MGAT4D: variants seen among roughly 807,000 people sequenced by gnomAD.
The protein encoded by MGAT4D is alpha-1,3-mannosyl-glycoprotein 4-beta-N-acetylglucosaminyltransferase-like protein MGAT4D.
A neutral mutation model predicts 15.9 loss-of-function variants in MGAT4D; 34 were observed. The observed-to-expected ratio is 2.14, with a 90% confidence interval of 1.62 to 2.84. The LOEUF (loss-of-function observed/expected upper bound fraction) is 2.84, where lower values mean the gene tolerates loss of function less well. MGAT4D is among the 30% of genes most tolerant of loss of function. The probability of loss-of-function intolerance (pLI) is 0.00; values close to 1 mark genes in which losing one functional copy is unlikely to be tolerated. For synonymous variants in MGAT4D, 112 were observed against 48.2 expected, an observed-to-expected ratio of 2.33 and a Z score of -5.49; for missense variants, 327 against 140.2, an observed-to-expected ratio of 2.33 and a Z score of -6.73.
At chr4:140,487,471 T>G (rs542595750) in intron 1 of MGAT4D, among the ~76,000 whole-genome samples, 2 of 152,310 alleles carry the variant, frequency 1.3e-5, no homozygotes, top group Admixed American at 1.3e-4. Flanking sequence ...AATTTAAAAT[T>G]TGCTAGTAGT....
At chr4:140,481,745 T>C (rs77741716) in intron 2 of MGAT4D, among the ~76,000 whole-genome samples, 3,812 of 152,296 alleles carry the variant, frequency 0.025, 198 homozygotes, top group East Asian at 0.23. Flanking sequence ...CTTCTGGAAA[T>C]GGCAAAGCAA....
chr4:140,449,223 G>T (rs1447253365), intron 10 of MGAT4D, among the ~76,000 whole-genome samples: 1 of 151,998 alleles, frequency 6.6e-6, no homozygotes, highest in African/African-American at 2.4e-5. Context: ...GAAATATTTT[G>T]TTTCCAAAAG....
At chr4:140,491,565 T>C (rs1047694033) in intron 1 of MGAT4D, among the ~76,000 whole-genome samples, 3 of 151,820 alleles carry the variant, frequency 2.0e-5, no homozygotes, top group African/African-American at 7.3e-5. Context: ...ACCAAAGACA[T>C]AGGAGTCGGC....
At chr4:140,497,239 C>T (rs150432286) in intron 1 of MGAT4D, among the ~76,000 whole-genome samples, 27 of 152,050 alleles carry the variant, frequency 1.8e-4, no homozygotes, top group Admixed American at 3.3e-4. Context: ...TAAGAGCAAT[C>T]GTGGAAGGCT....
chr4:140,482,065 C>A (rs753830494), intron 2 of MGAT4D, among the ~76,000 whole-genome samples: 29 of 152,028 alleles, frequency 1.9e-4, no homozygotes, highest in Non-Finnish European at 4.0e-4. Context: ...CAGAGGTGAT[C>A]CTCAGGTTTC....
intron 7 of MGAT4D, among the ~76,000 whole-genome samples, chr4:140,461,507 G>A (rs1163610647): frequency 6.6e-6 from 1 of 152,090 alleles, no homozygotes; most frequent in Non-Finnish European, 1.5e-5. Context: ...TACTCATAAA[G>A]TATTATGAGT....
rs530876666 is a variant in MGAT4D, at chr4:140,498,111, G to A, written c.94+18C>T. On this transcript the variant is annotated intron_variant, in intron 1 of 10. Transcript: ENST00000511113. ...CCCCGCGGCGGGAAAGGAGGCGGGA[G>A]GAGGGCCCGCCGCTTACTGGTTTGA... The A allele has an allele frequency of 1.6e-3, 1,113 of 696,174 alleles. 8 individuals carry two copies. In the African/African-American group the frequency reaches 0.017, roughly 11 times the overall value. 43.1% of individuals were successfully genotyped at this position (696,174 alleles called of 1,614,324 possible).
intron 5 of MGAT4D, among the ~76,000 whole-genome samples, chr4:140,467,622 C>T (rs991664901): frequency 2.6e-5 from 4 of 152,102 alleles, no homozygotes; most frequent in Admixed American, 1.3e-4. Context: ...CTTTCTAGGA[C>T]TCTCTAAAAC....
At position 140,444,923 on chromosome 4, in the gene MGAT4D, C is replaced by T. The variant is rs570027075; in HGVS notation, c.1117-1479G>A. 5.9e-5 allele frequency among the ~76,000 whole-genome samples: 9 copies of T among 151,750 alleles called. No homozygotes were observed. In the South Asian group the frequency reaches 8.3e-4, roughly 14 times the overall value. On this transcript the variant is annotated intron_variant, in intron 10 of 10. Coordinates refer to ENST00000511113, the MANE Select transcript of MGAT4D (RefSeq NM_001277353.2). ...TGATATGGAGTTCTGCTCTTGTTGC[C>T]GAGGCTGGAGTGCAATGGTGCGATC...
rs1241526724 is a variant in MGAT4D at position 140,442,574 on chromosome 4, AC to A, written c.*861del. The A allele has an allele frequency of 1.3e-5, 2 of 152,132 alleles. No individual in the cohort carries two copies. The highest frequency in any genetic ancestry group is 2.9e-5 in the Non-Finnish European group (2 of 67,994). 9.4% of individuals were successfully genotyped at this position (152,132 alleles called of 1,614,324 possible). A position where few individuals can be genotyped will look rare whatever the true frequency, so the allele number is the denominator to read the frequency against. The stretch of plus-strand genomic sequence containing the variant: ...AAAGCCTGATATAAGAGAATTTTGC[AC>A]CCAATAGATAGGAATACTTTTAAGA... On this transcript the variant is annotated 3_prime_UTR_variant, in exon 11 of 11. Transcript: ENST00000511113.
At chr4:140,471,227 T>TTTCCTTCCTTCC (rs200186471) in intron 5 of MGAT4D, among the ~76,000 whole-genome samples, 1,397 of 133,746 alleles carry the variant, frequency 0.01, 13 homozygotes, top group Admixed American at 0.013. Context: ...CTCCTTTTTG[T>TTTCCTTCCTTCC]TTCCTTCCTT....
chr4:140,451,920 TAGAG>T (rs1270537322), intron 9 of MGAT4D, among the ~76,000 whole-genome samples: 2 of 151,218 alleles, frequency 1.3e-5, no homozygotes, highest in Non-Finnish European at 2.9e-5. Flanking sequence ...AATTTCTTCT[TAGAG>T]AGTAAAAAAT....
chr4:140,442,797 G>A lies in MGAT4D; in HGVS notation c.*639C>T, dbSNP rs1480209721. 1 of 150,968 alleles carries A rather than the reference G, an allele frequency of 6.6e-6. No homozygotes were observed. Among genetic ancestry groups the A allele is most frequent in the South Asian group, 2.1e-4 (1 of 4,772 alleles). The allele number at this position is 150,968 out of a possible 1,614,324, so 9.4% of individuals were successfully genotyped here. A position where few individuals can be genotyped will look rare whatever the true frequency, so the allele number is the denominator to read the frequency against. ...AATTTAGAAATTAACAATAAAAGAT[G>A]GAGAAAACCAATATATTTGGGAAAA... On this transcript the variant is annotated 3_prime_UTR_variant, in exon 11 of 11. Coordinates refer to ENST00000511113, the MANE Select transcript of MGAT4D (RefSeq NM_001277353.2).
At chr4:140,446,522 T>C (rs928188890) in intron 10 of MGAT4D, among the ~76,000 whole-genome samples, 1 of 152,090 alleles carries the variant, frequency 6.6e-6, no homozygotes, top group Non-Finnish European at 1.5e-5. Flanking sequence ...ATGTCTCCTT[T>C]GTCATTTCTA....
At chr4:140,467,703 T>C (rs1731631120) in intron 5 of MGAT4D, among the ~76,000 whole-genome samples, 1 of 152,108 alleles carries the variant, frequency 6.6e-6, no homozygotes, top group Non-Finnish European at 1.5e-5. Context: ...GAATTGCTAG[T>C]TTCCAATGAC....
chr4:140,498,180 C>CG lies in MGAT4D; in HGVS notation c.42dup (p.Val15ArgfsTer19). 1.4e-6 allele frequency: 1 copy of CG among 702,658 alleles called. No individual in the cohort carries two copies. Among genetic ancestry groups the CG allele is most frequent in the Admixed American group, 2.0e-5 (1 of 50,006 alleles). The allele number at this position is 702,658 out of a possible 1,614,324, so 43.5% of individuals were successfully genotyped here. On this transcript the variant is annotated frameshift_variant, in exon 1 of 11. Coordinates refer to ENST00000511113, the MANE Select transcript of MGAT4D (RefSeq NM_001277353.2). LOFTEE classifies it high-confidence loss of function. ...AAGCAAGAGAAGCTGAACAACGCGA[C>CG]GGCGACCAGGGTGATCAGCAAGTTC...
intron 6 of MGAT4D, among the ~76,000 whole-genome samples, chr4:140,462,335 G>T (rs904448563): frequency 1.3e-5 from 2 of 152,064 alleles, no homozygotes; most frequent in Non-Finnish European, 2.9e-5. Context: ...AAAGTATAAA[G>T]AAACTTTATT....
intron 10 of MGAT4D, among the ~76,000 whole-genome samples, chr4:140,447,980 T>A (rs1012146062): frequency 4.6e-5 from 7 of 152,202 alleles, no homozygotes; most frequent in Non-Finnish European, 7.3e-5. Flanking sequence ...TTTGGCTGGA[T>A]ATGAAATTCT....
chr4:140,474,697 CT>C (rs1266594341), intron 4 of MGAT4D, 115 bp downstream of exon 4: 2 of 424,484 alleles, frequency 4.7e-6, no homozygotes, highest in Middle Eastern at 3.1e-4. Context: ...CTATGGGTAG[CT>C]TTTTAAAATT....
Sources: gnomAD v4.1 joint callset for allele counts (sites outside exome capture counted in the v4.1 genomes callset) on GRCh38, gnomAD v4.1.1 for gene constraint, MANE v1.5 for transcripts, NCBI Gene and HGNC (gene_info 2026-07-23, HGNC 2026-07-21) for gene names.